N4BP2: variants seen among roughly 807,000 people sequenced by gnomAD.
The protein encoded by N4BP2 is NEDD4-binding protein 2.
In N4BP2, 91 loss-of-function variants were observed where a neutral mutation model predicts 152.8. That is an observed-to-expected ratio of 0.60 (90% CI 0.50 to 0.71). The LOEUF (loss-of-function observed/expected upper bound fraction) is 0.71, where lower values mean the gene tolerates loss of function less well. Ranked by LOEUF, N4BP2 falls within the 30% of genes least tolerant of loss-of-function variation. The pLI, the probability that N4BP2 is intolerant of heterozygous loss-of-function variation, is 0.00. For synonymous variants in N4BP2, 646 were observed against 705.3 expected (o/e 0.92, Z 1.33); for missense variants, 1,923 against 2,059.1 (o/e 0.93, Z 1.28).
At chr4:40,144,543 C>G (rs1720331013) in intron 15 of N4BP2, 89 bp from the exon 16 acceptor site, 2 of 1,001,540 alleles carry the variant, frequency 2.0e-6, no homozygotes, top group Non-Finnish European at 2.9e-6. Context: ...CCTTTTTCCC[C>G]CTTCCTTTTA....
At position 40,142,862 on chromosome 4, in the gene N4BP2, G is replaced by T; in HGVS notation, c.4974+1G>T. The T allele has an allele frequency of 6.2e-7, 1 of 1,612,562 alleles. No individual in the cohort carries two copies. Among genetic ancestry groups the T allele is most frequent in the African/African-American group, 1.3e-5 (1 of 74,886 alleles). On this transcript the variant is annotated splice_donor_variant, in intron 15 of 17. Coordinates refer to ENST00000261435, the MANE Select transcript of N4BP2 (RefSeq NM_018177.6). LOFTEE classifies it high-confidence loss of function. ...TGTCGCCACCTTTTATGCCCAGCAG[G>T]TAAAGTGGAAAACTGATTATATATT...
At chr4:40,080,573 G>A (rs1376761487) in intron 2 of N4BP2, among the ~76,000 whole-genome samples, 1 of 151,946 alleles carries the variant, frequency 6.6e-6, no homozygotes, top group Non-Finnish European at 1.5e-5. Flanking sequence ...CTGATCTAGT[G>A]ACCTGCCCGC....
intron 2 of N4BP2, among the ~76,000 whole-genome samples, chr4:40,076,368 C>G (rs906860878): frequency 2.0e-5 from 3 of 151,790 alleles, no homozygotes; most frequent in African/African-American, 7.3e-5. Context: ...CCCAGCTATT[C>G]GGGAGGCTGA....
intron 12 of N4BP2, among the ~76,000 whole-genome samples, chr4:40,130,935 A>G (rs1164545643): frequency 6.6e-6 from 1 of 152,188 alleles, no homozygotes. Flanking sequence ...TTTTTAGGAA[A>G]GTTCTTTTTG....
rs1267796700 is a variant in N4BP2, at chr4:40,126,207, A to G, written c.4404A>G (p.Leu1468=). The G allele has an allele frequency of 3.1e-6, 5 of 1,609,864 alleles. No homozygotes were observed. Among genetic ancestry groups the G allele is most frequent in the Non-Finnish European group, 3.4e-6 (4 of 1,178,522 alleles). ...QKSSQRTGKK[L]LKTLTASEML... ...CATCTCAGAGAACAGGCAAAAAATT[A>G]CTGAAGACTTTAACAGCATCTGAAA... is the stretch of plus-strand genomic sequence containing the variant. Residue 1468 remains leucine (L), a synonymous_variant, in exon 12 of 18, where the codon TTA becomes TTG. Coordinates refer to ENST00000261435, the MANE Select transcript of N4BP2 (RefSeq NM_018177.6).
chr4:40,159,940 C>G (rs1204173089), downstream of N4BP2, among the ~76,000 whole-genome samples: 1 of 151,808 alleles, frequency 6.6e-6, no homozygotes, highest in Admixed American at 6.6e-5. Context: ...GTGGTGCAGT[C>G]TCCCAAGTAG....
intron 16 of N4BP2, among the ~76,000 whole-genome samples, chr4:40,148,123 G>T (rs922793557): frequency 6.6e-6 from 1 of 152,192 alleles, no homozygotes; most frequent in Non-Finnish European, 1.5e-5. Flanking sequence ...AGGTTGTAGC[G>T]AGCCGAGATC....
At chr4:40,153,591 C>T (rs1274044555) in intron 17 of N4BP2, among the ~76,000 whole-genome samples, 1 of 152,162 alleles carries the variant, frequency 6.6e-6, no homozygotes, top group Non-Finnish European at 1.5e-5. Context: ...GTATCATTAA[C>T]TCCTACCCAC....
chr4:40,110,287 A>T (rs955771066), intron 5 of N4BP2, among the ~76,000 whole-genome samples: 1 of 152,228 alleles, frequency 6.6e-6, no homozygotes, highest in Non-Finnish European at 1.5e-5. Flanking sequence ...ACAAACACAC[A>T]TGTCTATGTC....
intron 16 of N4BP2, among the ~76,000 whole-genome samples, chr4:40,148,880 CAATT>C (rs1179370222): frequency 6.6e-6 from 1 of 151,582 alleles, no homozygotes; most frequent in Non-Finnish European, 1.5e-5. Flanking sequence ...CATCGATGGA[CAATT>C]AGGTTGTTTC....
chr4:40,103,717 G>T (rs982260370), intron 4 of N4BP2, among the ~76,000 whole-genome samples: 1 of 152,150 alleles, frequency 6.6e-6, no homozygotes, highest in Non-Finnish European at 1.5e-5. Context: ...CAAGTTTTCA[G>T]GGACTTTTCT....
At chr4:40,166,168 CTTTG>C in the N4BP2 span, among the ~76,000 whole-genome samples, 1 of 152,056 alleles carries the variant, frequency 6.6e-6, no homozygotes, top group Non-Finnish European at 1.5e-5. Flanking sequence ...GAATCTTTTT[CTTTG>C]TTAGTAGGCA....
the N4BP2 span, among the ~76,000 whole-genome samples, chr4:40,188,809 G>C: frequency 6.6e-6 from 1 of 151,342 alleles, no homozygotes; most frequent in Admixed American, 6.6e-5. Flanking sequence ...TGGTAAGGCA[G>C]TGTGACCATT....
chr4:40,058,831 AT>A (rs1186850091), intron 1 of N4BP2, among the ~76,000 whole-genome samples: 7 of 151,494 alleles, frequency 4.6e-5, no homozygotes, highest in Non-Finnish European at 7.4e-5. Context: ...TTATTTATTT[AT>A]TTTTTTGAGA....
intron 5 of N4BP2, among the ~76,000 whole-genome samples, chr4:40,111,471 C>A (rs1212475535): frequency 6.6e-6 from 1 of 152,096 alleles, no homozygotes; most frequent in African/African-American, 2.4e-5. Flanking sequence ...CAGGTGCGTG[C>A]CACCACACCT....
Position 40,102,078 on chromosome 4 carries a change from A to G in N4BP2, c.233A>G (p.Glu78Gly), listed in dbSNP as rs936055312. The G allele has an allele frequency of 6.4e-7, 1 of 1,560,706 alleles. No individual in the cohort carries two copies. Among genetic ancestry groups the G allele is most frequent in the East Asian group, 2.3e-5 (1 of 44,320 alleles). ...LMLSECDFKV[E>G]NAMDCLLELS... is the part of the protein sequence containing the mutation. ...TATTATTCTTGTTGTTGTACAGTTG[A>G]AAATGCTATGGATTGTCTATTAGAA... is the stretch of plus-strand genomic sequence containing the variant. The change falls in exon 4 of 18, where the codon GAA becomes GGA. Residue 78 changes from glutamate to glycine, a missense_variant. Transcript: ENST00000261435.
At chr4:40,109,925 G>T (rs1277369405) in intron 5 of N4BP2, among the ~76,000 whole-genome samples, 2 of 152,056 alleles carry the variant, frequency 1.3e-5, no homozygotes, top group East Asian at 3.9e-4. Flanking sequence ...ATTTAATTTG[G>T]CTTTGCTGCA....
At chr4:40,091,412 A>G (rs1040239229) in intron 2 of N4BP2, among the ~76,000 whole-genome samples, 30 of 151,964 alleles carry the variant, frequency 2.0e-4, no homozygotes, top group African/African-American at 7.0e-4. Flanking sequence ...AGGTGCTTTT[A>G]TCAGGTTGAG....
In N4BP2 at chr4:40,079,530, C is replaced by T. The variant is rs533064880; in HGVS notation, c.-115+5979C>T. 9.3e-5 allele frequency among the ~76,000 whole-genome samples: 14 copies of T among 151,050 alleles called. No individual in the cohort carries two copies. The East Asian group carries it at 2.7e-3, about 29-fold the overall frequency. Reference sequence around the variant, plus strand: ...CAAATAATGTCAGTATTGACCATTGCCATAACACTATTAGAGATCATGTTT... The same window carrying T: ...CAAATAATGTCAGTATTGACCATTGTCATAACACTATTAGAGATCATGTTT... On this transcript the variant is annotated intron_variant, in intron 2 of 17. Coordinates refer to ENST00000261435, the MANE Select transcript of N4BP2 (RefSeq NM_018177.6).
Sources: allele counts gnomAD v4.1 joint callset (sites outside exome capture counted in the v4.1 genomes callset), GRCh38; gene constraint gnomAD v4.1.1; transcripts MANE v1.5; gene names NCBI Gene and HGNC (gene_info 2026-07-23, HGNC 2026-07-21).